Variants in MSH3 observed in about 807,000 individuals in gnomAD.
MSH3 encodes DNA mismatch repair protein Msh3.
MSH3 carries 106 observed loss-of-function variants against 123.3 expected under a neutral mutation model. The ratio of observed to expected loss-of-function variants is 0.86; its 90% CI spans 0.73 to 1.01. MSH3 has a LOEUF of 1.01. Ranked by LOEUF, MSH3 falls within the 50% of genes least tolerant of loss-of-function variation. MSH3 has a pLI of 0.00. For synonymous variants in MSH3, 515 were observed against 481.4 expected (o/e 1.07, Z -0.91); for missense variants, 1,459 against 1,347.6 (o/e 1.08, Z -1.29).
intron 20 of MSH3, among the ~76,000 whole-genome samples, chr5:80,820,800 A>G (rs974276103): frequency 6.6e-6 from 1 of 152,236 alleles, no homozygotes; most frequent in African/African-American, 2.4e-5. Context: ...TACACAGGAA[A>G]GAGCAAAAGT....
rs147462350 is a variant in MSH3, at chr5:80,730,714, G to A, written c.1568+1749G>A. ...TTCATGATAGGGACCCTGTAAGTGA[G>A]GTACAATTAGTGATAAATAGCTTGC... On this transcript the variant is annotated intron_variant, in intron 10 of 23. Coordinates refer to ENST00000265081, the MANE Select transcript of MSH3 (RefSeq NM_002439.5). 6.2e-3 allele frequency among the ~76,000 whole-genome samples: 947 copies of A among 151,800 alleles called. 7 individuals carry two copies. The highest frequency in any genetic ancestry group is 0.027 in the Middle Eastern group (8 of 294).
At chr5:80,846,190 GGT>G (rs1745717237) in intron 20 of MSH3, among the ~76,000 whole-genome samples, 1 of 152,068 alleles carries the variant, frequency 6.6e-6, no homozygotes, top group Non-Finnish European at 1.5e-5. Flanking sequence ...GTTTGCTGGA[GGT>G]CCACTCCAGA....
intron 12 of MSH3, among the ~76,000 whole-genome samples, chr5:80,749,027 T>G (rs1743776893): frequency 6.6e-6 from 1 of 152,194 alleles, no homozygotes; most frequent in African/African-American, 2.4e-5. Context: ...ACTTTACATT[T>G]TTTAATTAAA....
At chr5:80,790,412 A>G (rs1335361771) in intron 18 of MSH3, among the ~76,000 whole-genome samples, 1 of 152,120 alleles carries the variant, frequency 6.6e-6, no homozygotes, top group Admixed American at 6.5e-5. Context: ...TACACTTACC[A>G]TGTGGGTTTA....
Position 80,693,360 on chromosome 5 carries a change from G to A in MSH3, c.1340+14267G>A, listed in dbSNP as rs181973255. Among the ~76,000 whole-genome samples the A allele has an allele frequency of 1.2e-3, 48 of 39,448 alleles. 2 individuals carry two copies. The highest frequency in any genetic ancestry group is 0.022 in the Middle Eastern group (1 of 46). The allele number at this position is 39,448 out of a possible 152,430, so 25.9% of individuals were successfully genotyped here. ...ACATGCACATGTATATGTTTATATA[G>A]ATATACATGCACATGTATATGTTTA... On this transcript the variant is annotated intron_variant, in intron 8 of 23. Transcript: ENST00000265081.
At chr5:80,659,098 G>T (rs541953347) in intron 2 of MSH3, among the ~76,000 whole-genome samples, 1 of 152,200 alleles carries the variant, frequency 6.6e-6, no homozygotes, top group East Asian at 1.9e-4. Flanking sequence ...GCCGGATGTG[G>T]TGGCGGGCGC....
At chr5:80,800,182 C>T (rs1343264479) in intron 19 of MSH3, among the ~76,000 whole-genome samples, 2 of 152,204 alleles carry the variant, frequency 1.3e-5, no homozygotes, top group Non-Finnish European at 2.9e-5. Flanking sequence ...CAAGGCAGTC[C>T]TCTCTAGTTG....
rs556135811 is a variant in MSH3 at position 80,861,128 on chromosome 5, G to A, written c.3001-3685G>A. ...ATCAGTTGCTTCCAATTCCCAGTCT[G>A]ATAATTCCAACATTCCTGCCATAGC... On this transcript the variant is annotated intron_variant, in intron 21 of 23. Transcript: ENST00000265081. Among the ~76,000 whole-genome samples, 19 of 152,262 alleles carry A rather than the reference G, an allele frequency of 1.2e-4. 1 individual carries two copies. The highest frequency in any genetic ancestry group is 3.4e-3 in the Middle Eastern group (1 of 294).
At chr5:80,837,675 A>G (rs1329251213) in intron 20 of MSH3, among the ~76,000 whole-genome samples, 1 of 152,216 alleles carries the variant, frequency 6.6e-6, no homozygotes, top group South Asian at 2.1e-4. Flanking sequence ...TATTTATAGA[A>G]CAAAGATACT....
intron 21 of MSH3, among the ~76,000 whole-genome samples, chr5:80,863,553 C>G (rs975659623): frequency 1.3e-5 from 2 of 151,778 alleles, no homozygotes; most frequent in Non-Finnish European, 2.9e-5. Flanking sequence ...CACCTGTAGT[C>G]CCAGCTACTC....
At chr5:80,786,526 A>G (rs1744511800) in intron 17 of MSH3, among the ~76,000 whole-genome samples, 1 of 152,208 alleles carries the variant, frequency 6.6e-6, no homozygotes, top group African/African-American at 2.4e-5. Flanking sequence ...GTGACTTATC[A>G]CCACCTACTT....
intron 8 of MSH3, among the ~76,000 whole-genome samples, chr5:80,701,105 A>T (rs138457116): frequency 2.0e-5 from 3 of 152,228 alleles, no homozygotes; most frequent in Non-Finnish European, 4.4e-5. Context: ...GTGCTTTTAA[A>T]TGATTTATTA....
intron 20 of MSH3, among the ~76,000 whole-genome samples, chr5:80,830,439 TATAATGTG>T: frequency 6.6e-6 from 1 of 152,238 alleles, no homozygotes; most frequent in South Asian, 2.1e-4. Flanking sequence ...TGCATGAGGT[TATAATGTG>T]TGCAGTTTAT....
At chr5:80,742,776 A>C (rs1580598294) in intron 11 of MSH3, among the ~76,000 whole-genome samples, 2 of 152,182 alleles carry the variant, frequency 1.3e-5, no homozygotes, top group South Asian at 4.1e-4. Flanking sequence ...TCTCCATGAT[A>C]GGAAATAAGT....
chr5:80,729,460 G>GTATATATATATATA (rs376372477), intron 10 of MSH3, among the ~76,000 whole-genome samples: 49 of 95,018 alleles, frequency 5.2e-4, no homozygotes, highest in African/African-American at 1.8e-3. Flanking sequence ...GTGTGTGTGT[G>GTATATATATATATA]TATATATATA....
chr5:80,850,103 T>G (rs558732708), intron 20 of MSH3, among the ~76,000 whole-genome samples: 1 of 152,288 alleles, frequency 6.6e-6, no homozygotes, highest in South Asian at 2.1e-4. Context: ...ATGCTGCCAG[T>G]TTATTTGCTA....
chr5:80,730,609 T>TA (rs1743392778), intron 10 of MSH3, among the ~76,000 whole-genome samples: 1 of 152,158 alleles, frequency 6.6e-6, no homozygotes, highest in East Asian at 1.9e-4. Flanking sequence ...ATAAACTTAT[T>TA]AAAGAGATCA....
chr5:80,846,340 C>T (rs1223693913), intron 20 of MSH3, among the ~76,000 whole-genome samples: 1 of 151,506 alleles, frequency 6.6e-6, no homozygotes, highest in East Asian at 2.0e-4. Context: ...AGGTGTCTCC[C>T]AGTCAGGCTA....
At chr5:80,706,627 A>G (rs1014418575) in intron 8 of MSH3, among the ~76,000 whole-genome samples, 6 of 152,196 alleles carry the variant, frequency 3.9e-5, no homozygotes, top group South Asian at 2.1e-4. Flanking sequence ...CATTTAGACT[A>G]TTATCATCTC....
Sources: gnomAD v4.1 joint callset for allele counts (sites outside exome capture counted in the v4.1 genomes callset) on GRCh38, gnomAD v4.1.1 for gene constraint, MANE v1.5 for transcripts, NCBI Gene and HGNC (gene_info 2026-07-23, HGNC 2026-07-21) for gene names.